SYNDIG1: variants seen among roughly 807,000 people sequenced by gnomAD.
The protein encoded by SYNDIG1 is synapse differentiation-inducing gene protein 1.
Under a neutral mutation model 19.4 loss-of-function variants are expected in SYNDIG1, and 9 were observed. The ratio of observed to expected loss-of-function variants is 0.46; its 90% CI spans 0.28 to 0.81. The LOEUF is 0.81. SYNDIG1 is among the 30% of genes least tolerant of loss of function. The probability of loss-of-function intolerance (pLI) is 0.12; values close to 1 mark genes in which losing one functional copy is unlikely to be tolerated. For synonymous variants in SYNDIG1, 141 were observed against 145.9 expected (o/e 0.97, Z 0.24); for missense variants, 311 against 343.3 (o/e 0.91, Z 0.74).
chr20:24,493,789 G>A (rs1482663692), intron 1 of SYNDIG1, among the ~76,000 whole-genome samples: 1 of 152,226 alleles, frequency 6.6e-6, no homozygotes, highest in Non-Finnish European at 1.5e-5. Flanking sequence ...GGACCATTGG[G>A]CAGCCGCAAG....
At chr20:24,529,904 AGTACTCCTGG>A (rs2057210260) in intron 1 of SYNDIG1, among the ~76,000 whole-genome samples, 1 of 4,902 alleles carries the variant, frequency 2.0e-4, no homozygotes. Context: ...GGGTGATGGT[AGTACTCCTGG>A]TGATGGTATC....
At chr20:24,493,057 C>T (rs895046193) in intron 1 of SYNDIG1, among the ~76,000 whole-genome samples, 3 of 152,194 alleles carry the variant, frequency 2.0e-5, no homozygotes, top group African/African-American at 4.8e-5. Context: ...TATTGAGATG[C>T]CCTCAGAAAA....
chr20:24,512,415 C>A (rs1212123570), intron 1 of SYNDIG1, among the ~76,000 whole-genome samples: 1 of 151,736 alleles, frequency 6.6e-6, no homozygotes, highest in South Asian at 2.1e-4. Flanking sequence ...ATAGACAGCA[C>A]CTGGAAAATC....
At chr20:24,568,986 C>T (rs796892560) in intron 2 of SYNDIG1, among the ~76,000 whole-genome samples, 3 of 152,338 alleles carry the variant, frequency 2.0e-5, no homozygotes, top group African/African-American at 4.8e-5. Flanking sequence ...GTGGAATTCA[C>T]ATCTGCTAGC....
At chr20:24,655,404 G>A (rs2059514919) in intron 3 of SYNDIG1, among the ~76,000 whole-genome samples, 1 of 152,222 alleles carries the variant, frequency 6.6e-6, no homozygotes, top group East Asian at 1.9e-4. Flanking sequence ...GGTAGGGACA[G>A]AGGTTTCCAA....
chr20:24,482,691 G>A (rs146367299), intron 1 of SYNDIG1, among the ~76,000 whole-genome samples: 117 of 152,268 alleles, frequency 7.7e-4, no homozygotes, highest in Non-Finnish European at 1.4e-3. Context: ...TAAATATGAT[G>A]CAACTATTAT....
chr20:24,641,757 G>T (rs909976957), intron 3 of SYNDIG1, among the ~76,000 whole-genome samples: 1 of 152,232 alleles, frequency 6.6e-6, no homozygotes, highest in African/African-American at 2.4e-5. Flanking sequence ...GGAGTGTGCA[G>T]CAGGGTGTGC....
At chr20:24,608,193 A>ATTTT (rs11481343) in intron 3 of SYNDIG1, among the ~76,000 whole-genome samples, 4 of 147,796 alleles carry the variant, frequency 2.7e-5, no homozygotes, top group Admixed American at 6.7e-5. Context: ...ATTATCTCCT[A>ATTTT]TTTTTTTTTT....
At position 24,650,894 on chromosome 20, in the gene SYNDIG1, G is replaced by A. The variant is rs185879267; in HGVS notation, c.619-14452G>A. 5.3e-4 allele frequency among the ~76,000 whole-genome samples: 80 copies of A among 152,180 alleles called. 2 individuals carry two copies. In the Middle Eastern group the frequency reaches 0.017, roughly 32 times the overall value. ...TCTGTAGCCCAGGCTGGAGTGTAGTGGTGCGATCTCGGCTCACTGCAACCC... is the reference window on the plus strand; with the variant it reads ...TCTGTAGCCCAGGCTGGAGTGTAGTAGTGCGATCTCGGCTCACTGCAACCC... On this transcript the variant is annotated intron_variant, in intron 3 of 3. Transcript: ENST00000376862.
At chr20:24,517,508 A>G (rs1174124834) in intron 1 of SYNDIG1, among the ~76,000 whole-genome samples, 13 of 148,362 alleles carry the variant, frequency 8.8e-5, no homozygotes, top group Admixed American at 5.4e-4. Context: ...AGTCCCAGCT[A>G]CTCTGAAGGC....
intron 1 of SYNDIG1, among the ~76,000 whole-genome samples, chr20:24,487,969 C>T (rs1477996702): frequency 6.6e-6 from 1 of 152,204 alleles, no homozygotes; most frequent in Non-Finnish European, 1.5e-5. Context: ...CTGACTGCGG[C>T]TTCATCAGTG....
chr20:24,546,895 GAA>G (rs542832374), intron 2 of SYNDIG1, among the ~76,000 whole-genome samples: 1 of 150,568 alleles, frequency 6.6e-6, no homozygotes, highest in Non-Finnish European at 1.5e-5. Flanking sequence ...AGCCAAAAAA[GAA>G]AAAAAAATGT....
chr20:24,608,615 T>C (rs1191199131), intron 3 of SYNDIG1, among the ~76,000 whole-genome samples: 1 of 152,176 alleles, frequency 6.6e-6, no homozygotes, highest in Admixed American at 6.5e-5. Context: ...TTGGGAGGAA[T>C]ACACAGGATA....
chr20:24,562,760 T>C (rs563511744), intron 2 of SYNDIG1, among the ~76,000 whole-genome samples: 20 of 152,342 alleles, frequency 1.3e-4, no homozygotes, highest in Admixed American at 4.6e-4. Flanking sequence ...CATGCCACTA[T>C]GTAAAATTGT....
intron 3 of SYNDIG1, among the ~76,000 whole-genome samples, chr20:24,653,615 G>A (rs747060487): frequency 2.0e-5 from 3 of 152,160 alleles, no homozygotes; most frequent in Non-Finnish European, 4.4e-5. Context: ...TAGCCCCCCT[G>A]GCTCTTACCC....
Position 24,660,294 on chromosome 20 carries a change from T to C in SYNDIG1, c.619-5052T>C, listed in dbSNP as rs1312277745. On this transcript the variant is annotated intron_variant, in intron 3 of 3. Coordinates refer to ENST00000376862, the MANE Select transcript of SYNDIG1 (RefSeq NM_024893.3). ...TGGAATTGTTGTTGCGTGATGTATC[T>C]ATATGTTCAGCTATAAGAAATGCTG... Among the ~76,000 whole-genome samples the C allele has an allele frequency of 5.3e-5, 8 of 152,274 alleles. No individual in the cohort carries two copies. In the East Asian group the frequency reaches 1.3e-3, roughly 26 times the overall value.
At chr20:24,514,797 T>TC (rs1292158876) in intron 1 of SYNDIG1, among the ~76,000 whole-genome samples, 1 of 152,150 alleles carries the variant, frequency 6.6e-6, no homozygotes, top group African/African-American at 2.4e-5. Context: ...TACAGAACTC[T>TC]CCACCCCAAA....
chr20:24,523,901 G>C (rs1303900860), intron 1 of SYNDIG1, among the ~76,000 whole-genome samples: 1 of 152,198 alleles, frequency 6.6e-6, no homozygotes, highest in Non-Finnish European at 1.5e-5. Context: ...CTGCTGGCCA[G>C]CTGCCATGCA....
At chr20:24,563,460 G>A (rs2057983170) in intron 2 of SYNDIG1, among the ~76,000 whole-genome samples, 1 of 152,168 alleles carries the variant, frequency 6.6e-6, no homozygotes, top group South Asian at 2.1e-4. Context: ...TAGATCTGGA[G>A]GATGAGACAC....
Sources: gnomAD v4.1 joint callset for allele counts (sites outside exome capture counted in the v4.1 genomes callset) on GRCh38, gnomAD v4.1.1 for gene constraint, MANE v1.5 for transcripts, NCBI Gene and HGNC (gene_info 2026-07-23, HGNC 2026-07-21) for gene names.